TAF3: variants seen among roughly 807,000 people sequenced by gnomAD.
TAF3 encodes TATA-box binding protein associated factor 3.
A neutral mutation model predicts 80.6 loss-of-function variants in TAF3; 7 were observed. The ratio of observed to expected loss-of-function variants is 0.09; its 90% confidence interval spans 0.05 to 0.16. The LOEUF (loss-of-function observed/expected upper bound fraction) is 0.16, where lower values mean the gene tolerates loss of function less well. TAF3 is among the 10% of genes least tolerant of loss of function. TAF3 has a pLI of 1.00. For synonymous variants in TAF3, 444 were observed against 446.1 expected (o/e 1.00, Z 0.06); for missense variants, 921 against 1,140.2 (o/e 0.81, Z 2.77).
At chr10:7,944,487 A>C (rs191475185) in intron 2 of TAF3, among the ~76,000 whole-genome samples, 1 of 152,262 alleles carries the variant, frequency 6.6e-6, no homozygotes, top group East Asian at 1.9e-4. Context: ...GTTACTACGC[A>C]TTTTTTTCAT....
At chr10:7,863,432 G>A (rs997554268) in intron 2 of TAF3, among the ~76,000 whole-genome samples, 3 of 151,128 alleles carry the variant, frequency 2.0e-5, no homozygotes, top group African/African-American at 7.3e-5. Context: ...CCAGGATGGT[G>A]AAACCCCGTC....
At chr10:7,972,047 C>A (rs947029972) in intron 3 of TAF3, among the ~76,000 whole-genome samples, 2 of 152,200 alleles carry the variant, frequency 1.3e-5, no homozygotes, top group Non-Finnish European at 2.9e-5. Context: ...TGCCCCAATT[C>A]TCAGCATTAC....
chr10:7,901,869 G>A (rs1837561515), intron 2 of TAF3, among the ~76,000 whole-genome samples: 1 of 152,002 alleles, frequency 6.6e-6, no homozygotes, highest in Non-Finnish European at 1.5e-5. Context: ...GATATTTTGT[G>A]GATGTTTCCT....
At chr10:7,924,288 T>C (rs1199075688) in intron 2 of TAF3, among the ~76,000 whole-genome samples, 1 of 152,210 alleles carries the variant, frequency 6.6e-6, no homozygotes, top group East Asian at 1.9e-4. Flanking sequence ...GAAAGCATAT[T>C]GGTACAAAAC....
intron 5 of TAF3, 93 bp from the exon 6 acceptor site, chr10:8,013,638 G>A: frequency 1.0e-6 from 1 of 968,410 alleles, no homozygotes; most frequent in Admixed American, 1.9e-5. Flanking sequence ...TGTTTATTCG[G>A]TTAACAGTAT....
chr10:7,928,497 C>G (rs1036870983), intron 2 of TAF3, among the ~76,000 whole-genome samples: 1 of 152,044 alleles, frequency 6.6e-6, no homozygotes, highest in Non-Finnish European at 1.5e-5. Flanking sequence ...TATGAATTTC[C>G]TAACTAGAGT....
chr10:7,907,980 A>G (rs930609883), intron 2 of TAF3, among the ~76,000 whole-genome samples: 3 of 152,326 alleles, frequency 2.0e-5, no homozygotes, highest in Middle Eastern at 3.4e-3. Flanking sequence ...GGCTCAGTTC[A>G]GGAGATACGT....
intron 4 of TAF3, among the ~76,000 whole-genome samples, chr10:7,994,727 G>A (rs1831867724): frequency 6.6e-6 from 1 of 151,582 alleles, no homozygotes; most frequent in Non-Finnish European, 1.5e-5. Flanking sequence ...CACTTTGGGA[G>A]GCTGAGGCAG....
At chr10:8,000,772 C>G (rs2131434777) in intron 4 of TAF3, among the ~76,000 whole-genome samples, 1 of 152,276 alleles carries the variant, frequency 6.6e-6, no homozygotes, top group East Asian at 1.9e-4. Flanking sequence ...GAGTGAGACC[C>G]TGCCTCAAAT....
chr10:7,936,193 A>C (rs1837918710), intron 2 of TAF3, among the ~76,000 whole-genome samples: 1 of 152,216 alleles, frequency 6.6e-6, no homozygotes, highest in Non-Finnish European at 1.5e-5. Flanking sequence ...CGTTGCTTTC[A>C]AGACTCTGGG....
At chr10:7,955,831 A>G (rs1338311244) in intron 2 of TAF3, among the ~76,000 whole-genome samples, 1 of 152,102 alleles carries the variant, frequency 6.6e-6, no homozygotes, top group Non-Finnish European at 1.5e-5. Flanking sequence ...GGGAGTGTGG[A>G]TTATTTGTTT....
chr10:7,941,634 T>C (rs1271843801), intron 2 of TAF3, among the ~76,000 whole-genome samples: 1 of 152,246 alleles, frequency 6.6e-6, no homozygotes, highest in East Asian at 1.9e-4. Context: ...GCTGCGCCGA[T>C]GCCTTCGAGG....
intron 4 of TAF3, among the ~76,000 whole-genome samples, chr10:7,988,572 C>CAAAAAAAAAAAAAA (rs58825999): frequency 5.3e-4 from 26 of 49,280 alleles, no homozygotes; most frequent in Admixed American, 1.3e-3. Context: ...GACCCTGTCT[C>CAAAAAAAAAAAAAA]AAAAAAAAAA....
intron 2 of TAF3, among the ~76,000 whole-genome samples, chr10:7,860,811 T>C (rs926828202): frequency 6.6e-6 from 1 of 151,704 alleles, no homozygotes; most frequent in Non-Finnish European, 1.5e-5. Context: ...TTTCTTTTTT[T>C]TTTTTTGAAA....
chr10:7,901,556 G>A (rs1837559132), intron 2 of TAF3, among the ~76,000 whole-genome samples: 1 of 152,172 alleles, frequency 6.6e-6, no homozygotes, highest in South Asian at 2.1e-4. Context: ...TGTTTAGATG[G>A]CCAGTTCCAT....
At chr10:7,866,626 T>C (rs1347834042) in intron 2 of TAF3, among the ~76,000 whole-genome samples, 1 of 152,190 alleles carries the variant, frequency 6.6e-6, no homozygotes, top group Non-Finnish European at 1.5e-5. Context: ...GCTTATCTGG[T>C]AATCAGGGAG....
At chr10:7,993,310 CTGCAACTACAGGCACA>C (rs1831851807) in intron 4 of TAF3, among the ~76,000 whole-genome samples, 1 of 152,182 alleles carries the variant, frequency 6.6e-6, no homozygotes, top group Non-Finnish European at 1.5e-5. Flanking sequence ...TCCCAAGTAG[CTGCAACTACAGGCACA>C]TGCCACTACA....
At chr10:8,006,720 T>A (rs1454971999) in intron 4 of TAF3, among the ~76,000 whole-genome samples, 1 of 152,076 alleles carries the variant, frequency 6.6e-6, no homozygotes, top group Non-Finnish European at 1.5e-5. Context: ...TAGCAAAGAG[T>A]CAGTGCCTTT....
At position 7,954,080 on chromosome 10, in the gene TAF3, T is replaced by C. The variant is rs1025197307; in HGVS notation, c.410-9840T>C. Among the ~76,000 whole-genome samples, 191 of 93,768 alleles carry C rather than the reference T, an allele frequency of 2.0e-3. 1 individual carries two copies. The highest frequency in any genetic ancestry group is 0.012 in the Middle Eastern group (1 of 86). 61.5% of individuals were successfully genotyped at this position (93,768 alleles called of 152,430 possible). ...ATGAGTGAATTAGTTCTAGTTAACA[T>C]GAGCTCTCCATAGTGAGATTTAGAG... On this transcript the variant is annotated intron_variant, in intron 2 of 6. Transcript: ENST00000344293.
Sources: allele counts gnomAD v4.1 joint callset (sites outside exome capture counted in the v4.1 genomes callset), GRCh38; gene constraint gnomAD v4.1.1; transcripts MANE v1.5; gene names NCBI Gene and HGNC (gene_info 2026-07-23, HGNC 2026-07-21).